The following CTNNA3 variants were observed in gnomAD, a reference collection of about 807,000 sequenced individuals.
CTNNA3 encodes the protein catenin alpha-3.
A neutral mutation model predicts 95.7 loss-of-function variants in CTNNA3; 76 were observed. That is an observed-to-expected ratio of 0.79 (90% confidence interval 0.66 to 0.96). CTNNA3 has a LOEUF of 0.96. Ranked by LOEUF, CTNNA3 falls within the 40% of genes least tolerant of loss-of-function variation. The pLI is 0.00. For missense variants in CTNNA3, 1,191 were observed against 1,089.8 expected (o/e 1.09, Z -1.31); for synonymous variants, 431 against 374.4 (o/e 1.15, Z -1.74).
At chr10:66,242,289 G>A (rs534113242) in intron 13 of CTNNA3, among the ~76,000 whole-genome samples, 4 of 152,114 alleles carry the variant, frequency 2.6e-5, no homozygotes, top group African/African-American at 9.6e-5. Flanking sequence ...AATACAAAGA[G>A]AGAAAAAAAC....
intron 10 of CTNNA3, among the ~76,000 whole-genome samples, chr10:66,615,562 A>T (rs982813622): frequency 2.1e-4 from 31 of 151,124 alleles, no homozygotes; most frequent in Admixed American, 1.4e-3. Flanking sequence ...TAAATAATTT[A>T]TTTGTTGCCA....
chr10:65,921,016 C>T (rs1009859611), intron 17 of CTNNA3, among the ~76,000 whole-genome samples: 6 of 151,922 alleles, frequency 3.9e-5, no homozygotes, highest in Non-Finnish European at 8.8e-5. Context: ...TGCAAATAAC[C>T]CTAATACGCC....
chr10:67,349,222 A>C (rs967369300), intron 5 of CTNNA3, among the ~76,000 whole-genome samples: 17 of 152,316 alleles, frequency 1.1e-4, no homozygotes, highest in African/African-American at 4.1e-4. Flanking sequence ...AAAAGAACTG[A>C]GATCAGGACT....
At chr10:66,304,993 T>G (rs1050968562) in intron 12 of CTNNA3, among the ~76,000 whole-genome samples, 1 of 152,314 alleles carries the variant, frequency 6.6e-6, no homozygotes, top group Non-Finnish European at 1.5e-5. Flanking sequence ...TTTGTGGTTC[T>G]GGCTCCTCTC....
At chr10:67,104,340 A>G (rs1209988035) in intron 7 of CTNNA3, among the ~76,000 whole-genome samples, 1 of 151,888 alleles carries the variant, frequency 6.6e-6, no homozygotes, top group Non-Finnish European at 1.5e-5. Flanking sequence ...CACAGATGAT[A>G]TGGGATCTGG....
At chr10:66,534,408 A>G (rs905171487) in intron 10 of CTNNA3, among the ~76,000 whole-genome samples, 1 of 151,528 alleles carries the variant, frequency 6.6e-6, no homozygotes, top group African/African-American at 2.4e-5. Context: ...AAAAATAGTC[A>G]GATGCTACTA....
intron 11 of CTNNA3, among the ~76,000 whole-genome samples, chr10:66,460,221 A>G (rs1911326): frequency 0.38 from 57,506 of 151,818 alleles, 11,374 homozygotes; most frequent in African/African-American, 0.49. Flanking sequence ...CTTCACTCAC[A>G]CTCTTCTGTC....
chr10:66,105,627 A>G (rs747709513), intron 13 of CTNNA3, among the ~76,000 whole-genome samples: 6 of 152,232 alleles, frequency 3.9e-5, no homozygotes, highest in Non-Finnish European at 7.3e-5. Flanking sequence ...GGGATGCTGT[A>G]CGAAGAGATA....
intron 10 of CTNNA3, among the ~76,000 whole-genome samples, chr10:66,537,445 G>C (rs1014725875): frequency 2.6e-5 from 4 of 151,946 alleles, no homozygotes; most frequent in African/African-American, 9.7e-5. Context: ...ATTGAAATTA[G>C]ACTTTTCTTA....
intron 5 of CTNNA3, among the ~76,000 whole-genome samples, chr10:67,416,460 T>C (rs1184621885): frequency 6.6e-6 from 1 of 151,450 alleles, no homozygotes; most frequent in Non-Finnish European, 1.5e-5. Flanking sequence ...TACAAAAAAT[T>C]AGCCGGGCGT....
At chr10:66,165,795 G>A (rs1181234147) in intron 13 of CTNNA3, among the ~76,000 whole-genome samples, 4 of 151,854 alleles carry the variant, frequency 2.6e-5, no homozygotes, top group Admixed American at 1.3e-4. Context: ...TTGAGATGGA[G>A]TCTTGCTCTG....
At chr10:66,506,265 G>A (rs1025403452) in intron 11 of CTNNA3, among the ~76,000 whole-genome samples, 10 of 152,274 alleles carry the variant, frequency 6.6e-5, no homozygotes, top group African/African-American at 1.9e-4. Context: ...CAGTTTCAAC[G>A]TAATATTTGG....
chr10:67,016,328 A>G (rs1852656192), intron 7 of CTNNA3, among the ~76,000 whole-genome samples: 1 of 152,160 alleles, frequency 6.6e-6, no homozygotes, highest in South Asian at 2.1e-4. Context: ...CTTCTTTCCA[A>G]ATATTTTATT....
At chr10:66,791,649 TC>T in intron 7 of CTNNA3, among the ~76,000 whole-genome samples, 1 of 152,312 alleles carries the variant, frequency 6.6e-6, no homozygotes, top group Admixed American at 6.5e-5. Flanking sequence ...GAGGAATAAA[TC>T]TGCTTTTATT....
chr10:66,205,515 A>G (rs966730979), intron 13 of CTNNA3, among the ~76,000 whole-genome samples: 5 of 152,002 alleles, frequency 3.3e-5, no homozygotes, highest in African/African-American at 2.4e-5. Flanking sequence ...CTCAACTCCT[A>G]ACTTAAGAAT....
intron 11 of CTNNA3, among the ~76,000 whole-genome samples, chr10:66,449,291 G>T (rs2093446448): frequency 6.6e-6 from 1 of 151,978 alleles, no homozygotes; most frequent in Non-Finnish European, 1.5e-5. Context: ...CCATTTTTTG[G>T]TGTTTCTTGG....
chr10:66,249,984 G>T (rs1221729354), intron 13 of CTNNA3, among the ~76,000 whole-genome samples: 1 of 152,084 alleles, frequency 6.6e-6, no homozygotes, highest in Non-Finnish European at 1.5e-5. Context: ...GGCAAGATTT[G>T]GAAGCAACTT....
intron 3 of CTNNA3, among the ~76,000 whole-genome samples, chr10:67,575,443 G>A (rs1243139582): frequency 2.6e-5 from 4 of 151,582 alleles, no homozygotes; most frequent in African/African-American, 9.7e-5. Flanking sequence ...CTTTTCTCTG[G>A]GGCCATACTC....
At chr10:67,333,435 T>C (rs1841874132) in intron 5 of CTNNA3, among the ~76,000 whole-genome samples, 1 of 152,242 alleles carries the variant, frequency 6.6e-6, no homozygotes, top group Non-Finnish European at 1.5e-5. Flanking sequence ...TAATTGCAGT[T>C]TTATATACAT....
Sources: allele counts gnomAD v4.1 joint callset (sites outside exome capture counted in the v4.1 genomes callset), GRCh38; gene constraint gnomAD v4.1.1; transcripts MANE v1.5; gene names NCBI Gene and HGNC (gene_info 2026-07-23, HGNC 2026-07-21).